CNGB3: variants seen among roughly 807,000 people sequenced by gnomAD.
The protein encoded by CNGB3 is cyclic nucleotide-gated channel beta-3.
CNGB3 carries 86 observed loss-of-function variants against 92.8 expected under a neutral mutation model. The observed-to-expected ratio is 0.93, with a 90% CI of 0.78 to 1.11. The LOEUF (loss-of-function observed/expected upper bound fraction) is 1.11, where lower values mean the gene tolerates loss of function less well. Ranked by LOEUF, CNGB3 falls within the 50% of genes least tolerant of loss-of-function variation. CNGB3 has a pLI of 0.00. For missense variants in CNGB3, 1,026 were observed against 956.8 expected (o/e 1.07, Z -0.95); for synonymous variants, 333 against 332.7 (o/e 1.00, Z -0.01).
At chr8:86,721,029 TG>T (rs1312379806) in intron 3 of CNGB3, among the ~76,000 whole-genome samples, 2 of 151,940 alleles carry the variant, frequency 1.3e-5, no homozygotes, top group Non-Finnish European at 2.9e-5. Context: ...TGCAGTGGCA[TG>T]ATCTTGGCTC....
intron 3 of CNGB3, chr8:86,704,027 A>G (rs997071642): frequency 1.3e-5 from 2 of 152,176 alleles, no homozygotes; most frequent in African/African-American, 2.4e-5. Flanking sequence ...CCTCCTGTGT[A>G]GCTGAAAATT....
chr8:86,583,541 G>C (rs1242055274), intron 15 of CNGB3, among the ~76,000 whole-genome samples: 1 of 152,140 alleles, frequency 6.6e-6, no homozygotes, highest in Non-Finnish European at 1.5e-5. Context: ...GAGGAAACTG[G>C]TGTAAGGCCA....
At chr8:86,591,596 G>A (rs1346851181) in intron 15 of CNGB3, among the ~76,000 whole-genome samples, 2 of 152,106 alleles carry the variant, frequency 1.3e-5, no homozygotes, top group Admixed American at 6.5e-5. Flanking sequence ...GGAGTACCCT[G>A]CCGTGTGAGG....
At chr8:86,643,999 C>A in intron 9 of CNGB3, 126 bp from the exon 10 acceptor site, 1 of 911,538 alleles carries the variant, frequency 1.1e-6, no homozygotes, top group Admixed American at 2.0e-5. Flanking sequence ...TGTTAACTCT[C>A]ATTAGTACAG....
chr8:86,731,940 C>T (rs1286319724), intron 2 of CNGB3, among the ~76,000 whole-genome samples: 1 of 152,060 alleles, frequency 6.6e-6, no homozygotes, highest in East Asian at 1.9e-4. Context: ...TAACAGAGCC[C>T]AGGAACCAGA....
At chr8:86,620,023 C>T (rs1348673356) in intron 13 of CNGB3, among the ~76,000 whole-genome samples, 1 of 152,088 alleles carries the variant, frequency 6.6e-6, no homozygotes, top group East Asian at 1.9e-4. Context: ...ACTGGGCCAG[C>T]TTGACTTTGG....
chr8:86,610,150 G>A (rs4961203), intron 14 of CNGB3, among the ~76,000 whole-genome samples: 138,189 of 152,184 alleles, frequency 0.91, 63,012 homozygotes, highest in African/African-American at 0.97. Context: ...GACCAAATCA[G>A]TCACTGAGGG....
intron 6 of CNGB3, chr8:86,661,866 T>A: frequency 8.6e-7 from 1 of 1,165,196 alleles, no homozygotes; most frequent in Non-Finnish European, 1.3e-6. Context: ...TGATGTCAGA[T>A]TTGGGTCATC....
chr8:86,642,028 G>A (rs781365680), intron 10 of CNGB3, among the ~76,000 whole-genome samples: 19 of 151,316 alleles, frequency 1.3e-4, no homozygotes, highest in Admixed American at 2.6e-4. Context: ...CATTCCTTTC[G>A]TTTTTCCTTA....
chr8:86,658,934 C>T (rs1020254204), intron 6 of CNGB3: 3 of 1,039,996 alleles, frequency 2.9e-6, no homozygotes, highest in Admixed American at 1.8e-5. Flanking sequence ...TCTCCTCCTG[C>T]TCTCGGTTCA....
intron 14 of CNGB3, among the ~76,000 whole-genome samples, chr8:86,607,178 G>C (rs1237870661): frequency 6.6e-6 from 1 of 152,020 alleles, no homozygotes; most frequent in Non-Finnish European, 1.5e-5. Flanking sequence ...AATTTTCCAA[G>C]GAGATCTGGC....
chr8:86,702,791 A>G (rs978134), intron 3 of CNGB3, among the ~76,000 whole-genome samples: 2 of 151,472 alleles, frequency 1.3e-5, no homozygotes, highest in African/African-American at 4.8e-5. Context: ...ATTCTTTTTT[A>G]AAAAAAATCT....
chr8:86,618,594 A>G (rs1822664049), intron 13 of CNGB3, among the ~76,000 whole-genome samples: 1 of 152,226 alleles, frequency 6.6e-6, no homozygotes, highest in Non-Finnish European at 1.5e-5. Flanking sequence ...TGTCTGGCTC[A>G]GTGCTTTAGA....
intron 13 of CNGB3, among the ~76,000 whole-genome samples, chr8:86,616,852 G>C (rs1414532184): frequency 6.6e-6 from 1 of 152,152 alleles, no homozygotes; most frequent in Non-Finnish European, 1.5e-5. Flanking sequence ...ACATGCGGTA[G>C]GTATTGGAGG....
intron 10 of CNGB3, among the ~76,000 whole-genome samples, chr8:86,639,018 T>C (rs370612921): frequency 4.6e-5 from 7 of 152,146 alleles, no homozygotes; most frequent in African/African-American, 1.7e-4. Flanking sequence ...AATATTTTCA[T>C]CTACCTAAGT....
intron 15 of CNGB3, among the ~76,000 whole-genome samples, chr8:86,597,397 A>C (rs1219795491): frequency 1.3e-5 from 2 of 152,178 alleles, no homozygotes; most frequent in African/African-American, 2.4e-5. Context: ...TGGTGCTTGC[A>C]ATTTAGGAAG....
chr8:86,668,521 C>A (rs551159528), intron 4 of CNGB3, among the ~76,000 whole-genome samples: 72 of 152,076 alleles, frequency 4.7e-4, no homozygotes, highest in African/African-American at 1.4e-3. Flanking sequence ...AAAGTCGGAA[C>A]GTTTATGAAT....
At chr8:86,675,588 A>AT (rs1554614742) in intron 3 of CNGB3, among the ~76,000 whole-genome samples, 1 of 150,894 alleles carries the variant, frequency 6.6e-6, no homozygotes, top group Non-Finnish European at 1.5e-5. Context: ...TAATTTATTT[A>AT]TTTTTTCTAG....
chr8:86,664,938 T>A (rs1823712552), intron 6 of CNGB3, among the ~76,000 whole-genome samples: 1 of 152,194 alleles, frequency 6.6e-6, no homozygotes, highest in African/African-American at 2.4e-5. Context: ...TATTTTGCAA[T>A]GGTGGAAATC....
Sources: allele counts gnomAD v4.1 joint callset (sites outside exome capture counted in the v4.1 genomes callset), GRCh38; gene constraint gnomAD v4.1.1; transcripts MANE v1.5; gene names NCBI Gene and HGNC (gene_info 2026-07-23, HGNC 2026-07-21).